IFT43: variants seen among roughly 807,000 people sequenced by gnomAD.
The protein encoded by IFT43 is intraflagellar transport 43.
In IFT43, 33 loss-of-function variants were observed where a neutral mutation model predicts 32.3. The ratio of observed to expected loss-of-function variants is 1.02; its 90% confidence interval spans 0.77 to 1.37. The LOEUF (loss-of-function observed/expected upper bound fraction) is 1.37, where lower values mean the gene tolerates loss of function less well. IFT43 is among the 40% of genes most tolerant of loss of function. The pLI, the probability that IFT43 is intolerant of heterozygous loss-of-function variation, is 0.00. For synonymous variants in IFT43, 93 were observed against 98.2 expected, an observed-to-expected ratio of 0.95 and a Z score of 0.31; for missense variants, 274 against 265.9, an observed-to-expected ratio of 1.03 and a Z score of -0.21.
At position 76,022,363 on chromosome 14, in the gene IFT43, G is replaced by C. The variant is rs761618241; in HGVS notation, c.184G>C (p.Gly62Arg). The C allele has an allele frequency of 1.2e-6, 2 of 1,613,216 alleles. No individual in the cohort carries two copies. Among genetic ancestry groups the C allele is most frequent in the Non-Finnish European group, 1.7e-6 (2 of 1,179,382 alleles). Residue 62 changes from glycine to arginine, a missense_variant, in exon 3 of 9, where the codon GGC becomes CGC. Gly to Arg is a moderately radical substitution (Grantham distance 125, BLOSUM62 -2). Coordinates refer to ENST00000314067, the MANE Select transcript of IFT43 (RefSeq NM_001102564.3). ...TAAATTACCTCGCTGCCGACAGGGAGGCTGGGCAGGTGATTCCGTGAAGGC... is the reference window on the plus strand; with the variant it reads ...TAAATTACCTCGCTGCCGACAGGGACGCTGGGCAGGTGATTCCGTGAAGGC... ...SAKLPRCRQGGWAGDSVKASK... is the reference protein window; with the variant it reads ...SAKLPRCRQGRWAGDSVKASK...
chr14:76,047,752 A>G (rs1366842082), intron 3 of IFT43, among the ~76,000 whole-genome samples: 3 of 130,736 alleles, frequency 2.3e-5, no homozygotes, highest in Non-Finnish European at 3.2e-5. Flanking sequence ...TTTTTTTGTC[A>G]TTGCAGTTTC....
intron 2 of IFT43, among the ~76,000 whole-genome samples, chr14:75,991,577 G>A (rs2139868247): frequency 6.6e-6 from 1 of 152,078 alleles, no homozygotes; most frequent in South Asian, 2.1e-4. Context: ...TGGGGTCAGT[G>A]GGCCCTGCTT....
At position 76,059,345 on chromosome 14, in the gene IFT43, GA is replaced by G; in HGVS notation, c.268del (p.Ser90AlafsTer2). The G allele has an allele frequency of 1.2e-6, 2 of 1,614,090 alleles. No individual in the cohort carries two copies. The highest frequency in any genetic ancestry group is 1.7e-6 in the Non-Finnish European group (2 of 1,179,952). On this transcript the variant is annotated frameshift_variant, in exon 5 of 9. Transcript: ENST00000314067. LOFTEE classifies it high-confidence loss of function. ...GGGGCAGTTTCCGCCTCAGACCACA[GA>G]GCCTGAATGGATCAGATTATGGAGG... ...EIEDFRLRPQSLNGSDYGGDI... is the reference protein window; with the variant it reads ...EIEDFRLRPQXLNGSDYGGDI...
intron 4 of IFT43, chr14:76,059,085 G>A (rs1001150340): frequency 9.1e-6 from 13 of 1,435,372 alleles, no homozygotes; most frequent in African/African-American, 2.9e-5. Flanking sequence ...TCCCAGGGGC[G>A]GAAGCTGCAT....
At chr14:76,081,879 A>G (rs1208935814) in intron 5 of IFT43, among the ~76,000 whole-genome samples, 1 of 152,146 alleles carries the variant, frequency 6.6e-6, no homozygotes, top group Non-Finnish European at 1.5e-5. Context: ...GTGACACTAC[A>G]TGTTCTCAGT....
chr14:76,059,739 A>G (rs190889910), intron 5 of IFT43: 4 of 348,914 alleles, frequency 1.1e-5, no homozygotes, highest in East Asian at 7.2e-5. Flanking sequence ...GGTGTTGACT[A>G]TATCCCAAGC....
chr14:76,033,337 G>A (rs1249415912), intron 3 of IFT43, among the ~76,000 whole-genome samples: 2 of 152,218 alleles, frequency 1.3e-5, no homozygotes, highest in African/African-American at 4.8e-5. Context: ...GTTAACTGAT[G>A]TAGCAGGATA....
chr14:76,043,773 T>A (rs947285122), intron 3 of IFT43, among the ~76,000 whole-genome samples: 2 of 152,230 alleles, frequency 1.3e-5, no homozygotes, highest in Admixed American at 6.5e-5. Context: ...CTGGCTGTTC[T>A]ACAGTTTTAC....
intron 2 of IFT43, among the ~76,000 whole-genome samples, chr14:76,001,893 G>A (rs1004121347): frequency 6.6e-6 from 1 of 152,190 alleles, no homozygotes; most frequent in Non-Finnish European, 1.5e-5. Flanking sequence ...CCACTCTAGT[G>A]ATAATGGCAT....
intron 3 of IFT43, among the ~76,000 whole-genome samples, chr14:76,031,012 A>G (rs2036500146): frequency 1.3e-5 from 2 of 148,576 alleles, no homozygotes; most frequent in South Asian, 4.2e-4. Flanking sequence ...GGAAAAGTAA[A>G]CATATGTGTA....
chr14:76,022,081 T>C (rs948361556), intron 2 of IFT43, among the ~76,000 whole-genome samples: 4 of 152,076 alleles, frequency 2.6e-5, no homozygotes, highest in Non-Finnish European at 4.4e-5. Flanking sequence ...TGAAACCCTG[T>C]CTCTACTAAA....
intron 5 of IFT43, among the ~76,000 whole-genome samples, chr14:76,060,719 C>G (rs1009839669): frequency 6.6e-6 from 1 of 152,068 alleles, no homozygotes; most frequent in Non-Finnish European, 1.5e-5. Context: ...CAACTTTTTA[C>G]CAGACACAGA....
chr14:75,990,257 T>C (rs2035611449), intron 2 of IFT43, among the ~76,000 whole-genome samples: 1 of 152,224 alleles, frequency 6.6e-6, no homozygotes, highest in African/African-American at 2.4e-5. Flanking sequence ...TAAAATTTTA[T>C]GTGAAAGCAA....
chr14:76,014,185 C>A, intron 2 of IFT43: 1 of 236,896 alleles, frequency 4.2e-6, no homozygotes, highest in South Asian at 8.1e-5. Flanking sequence ...GAGCAGAGAC[C>A]CCAAGCAGTG....
At position 76,083,447 on chromosome 14, in the gene IFT43, C is replaced by T; in HGVS notation, c.508-11C>T. 6.2e-7 allele frequency: 1 copy of T among 1,614,170 alleles called. No homozygotes were observed. The highest frequency in any genetic ancestry group is 8.5e-7 in the Non-Finnish European group (1 of 1,180,046). On this transcript the variant is annotated splice_polypyrimidine_tract_variant and intron_variant, in intron 8 of 8. Transcript: ENST00000314067. ...TTTCTTTGTCTTACCCAGCGAAACCCTTCTTGGCAGGATGATGTCGGCTGG... is the reference window on the plus strand; with the variant it reads ...TTTCTTTGTCTTACCCAGCGAAACCTTTCTTGGCAGGATGATGTCGGCTGG...
chr14:76,017,107 T>A (rs558748540), intron 2 of IFT43, among the ~76,000 whole-genome samples: 23 of 152,302 alleles, frequency 1.5e-4, no homozygotes, highest in African/African-American at 5.5e-4. Context: ...AAAGTGGACA[T>A]CCTTGTCTTG....
chr14:75,988,538 A>T (rs2035574510), intron 1 of IFT43, among the ~76,000 whole-genome samples: 1 of 151,808 alleles, frequency 6.6e-6, no homozygotes, highest in Non-Finnish European at 1.5e-5. Flanking sequence ...TTTTGTTTTG[A>T]GATGGAGTCT....
chr14:76,064,813 T>G (rs1475028071), intron 5 of IFT43, among the ~76,000 whole-genome samples: 4 of 152,200 alleles, frequency 2.6e-5, no homozygotes, highest in Admixed American at 1.3e-4. Flanking sequence ...AACAAATTGA[T>G]AATCTATAGA....
chr14:76,052,513 G>C (rs927403639), intron 3 of IFT43, among the ~76,000 whole-genome samples: 2 of 151,968 alleles, frequency 1.3e-5, no homozygotes, highest in Non-Finnish European at 2.9e-5. Context: ...CAGGCCCCCT[G>C]ATGCAGCAGG....
Sources: allele counts gnomAD v4.1 joint callset (sites outside exome capture counted in the v4.1 genomes callset), GRCh38; gene constraint gnomAD v4.1.1; transcripts MANE v1.5; gene names NCBI Gene and HGNC (gene_info 2026-07-23, HGNC 2026-07-21).